Variants in SMARCC1 observed in about 807,000 individuals in gnomAD.
SMARCC1 encodes SWI/SNF complex subunit SMARCC1.
A neutral mutation model predicts 147.4 loss-of-function variants in SMARCC1; 43 were observed. The observed-to-expected ratio is 0.29, with a 90% CI of 0.23 to 0.38. The LOEUF (loss-of-function observed/expected upper bound fraction) is 0.38, where lower values mean the gene tolerates loss of function less well. Among genes scored for constraint, SMARCC1 ranks in the 10% least tolerant of loss-of-function variants. The pLI, the probability that SMARCC1 is intolerant of heterozygous loss-of-function variation, is 1.00. For synonymous variants in SMARCC1, 495 were observed against 484.4 expected, an observed-to-expected ratio of 1.02 and a Z score of -0.29; for missense variants, 1,119 against 1,381.1, an observed-to-expected ratio of 0.81 and a Z score of 3.01.
chr3:47,590,043 T>C (rs1478380842), intron 27 of SMARCC1, among the ~76,000 whole-genome samples: 1 of 152,204 alleles, frequency 6.6e-6, no homozygotes, highest in East Asian at 1.9e-4. Flanking sequence ...AGGCCAAGGC[T>C]GAAGCCGAGC....
At chr3:47,730,815 G>A (rs191177676) in intron 5 of SMARCC1, among the ~76,000 whole-genome samples, 328 of 151,382 alleles carry the variant, frequency 2.2e-3, no homozygotes, top group African/African-American at 7.7e-3. Context: ...GCAGTGAGCC[G>A]AGATTGCGCC....
chr3:47,644,058 G>A (rs1043628780), intron 21 of SMARCC1, among the ~76,000 whole-genome samples: 28 of 152,230 alleles, frequency 1.8e-4, no homozygotes, highest in African/African-American at 5.1e-4. Flanking sequence ...ATGGTGATAC[G>A]GTGGTCCTGG....
intron 6 of SMARCC1, among the ~76,000 whole-genome samples, chr3:47,722,956 G>A (rs988126509): frequency 3.9e-5 from 6 of 152,188 alleles, no homozygotes; most frequent in African/African-American, 1.4e-4. Context: ...TTTAAGGTGG[G>A]GATGACTGAA....
At chr3:47,707,959 A>C (rs1269316875) in intron 9 of SMARCC1, among the ~76,000 whole-genome samples, 1 of 152,060 alleles carries the variant, frequency 6.6e-6, no homozygotes, top group Non-Finnish European at 1.5e-5. Context: ...ATTTCCATTC[A>C]GAAGCTCCAT....
chr3:47,716,274 G>A (rs181118860), intron 7 of SMARCC1, among the ~76,000 whole-genome samples: 6 of 151,508 alleles, frequency 4.0e-5, no homozygotes, highest in East Asian at 1.9e-4. Flanking sequence ...AAAAATTAGC[G>A]GGGCGTTGTA....
chr3:47,664,418 G>A (rs949903325), intron 19 of SMARCC1, among the ~76,000 whole-genome samples: 1 of 152,036 alleles, frequency 6.6e-6, no homozygotes, highest in Non-Finnish European at 1.5e-5. Flanking sequence ...CTCCAAGTAG[G>A]CTTCTTTTTA....
chr3:47,617,019 A>G (rs1213296306), intron 25 of SMARCC1, among the ~76,000 whole-genome samples: 1 of 152,214 alleles, frequency 6.6e-6, no homozygotes, highest in Non-Finnish European at 1.5e-5. Context: ...CTCCTAGCTG[A>G]TCTATTCACT....
At chr3:47,616,210 T>C (rs1421159819) in intron 25 of SMARCC1, among the ~76,000 whole-genome samples, 2 of 152,244 alleles carry the variant, frequency 1.3e-5, no homozygotes, top group Non-Finnish European at 2.9e-5. Flanking sequence ...ACCTGCTCTG[T>C]TGACGGCTGT....
At chr3:47,648,578 G>A (rs2033149119) in intron 21 of SMARCC1, among the ~76,000 whole-genome samples, 1 of 151,668 alleles carries the variant, frequency 6.6e-6, no homozygotes, top group Non-Finnish European at 1.5e-5. Context: ...TTGTAGAGAC[G>A]AGGTCTCACT....
chr3:47,754,070 G>C (rs2034660310), intron 2 of SMARCC1, among the ~76,000 whole-genome samples: 1 of 152,142 alleles, frequency 6.6e-6, no homozygotes, highest in African/African-American at 2.4e-5. Flanking sequence ...CACCTCTAAT[G>C]ATAGGTCACT....
At chr3:47,610,016 GCC>G in intron 26 of SMARCC1, 48 bp downstream of exon 26, 1 of 1,587,956 alleles carries the variant, frequency 6.3e-7, no homozygotes, top group Non-Finnish European at 8.6e-7. Context: ...GATGCTCTGT[GCC>G]TCTGTAGTGA....
intron 2 of SMARCC1, among the ~76,000 whole-genome samples, chr3:47,751,481 C>T (rs1404947731): frequency 1.3e-5 from 2 of 151,302 alleles, no homozygotes; most frequent in Non-Finnish European, 2.9e-5. Context: ...GCGGAAGTTG[C>T]AGTGAGCTGA....
intron 5 of SMARCC1, among the ~76,000 whole-genome samples, chr3:47,729,797 G>C (rs11130148): frequency 6.6e-6 from 1 of 152,058 alleles, no homozygotes; most frequent in Non-Finnish European, 1.5e-5. Flanking sequence ...ATGTGCAAGC[G>C]TAACACAGAT....
intron 7 of SMARCC1, among the ~76,000 whole-genome samples, chr3:47,718,897 T>G (rs1183375133): frequency 6.6e-6 from 1 of 152,026 alleles, no homozygotes; most frequent in Non-Finnish European, 1.5e-5. Context: ...GCATTAATAT[T>G]AAATAATTAT....
At chr3:47,605,865 C>T (rs2032463147) in intron 26 of SMARCC1, among the ~76,000 whole-genome samples, 1 of 152,070 alleles carries the variant, frequency 6.6e-6, no homozygotes, top group African/African-American at 2.4e-5. Flanking sequence ...AACTAGTCTA[C>T]GGCGCTAGAA....
At chr3:47,730,358 T>C (rs567216114) in intron 5 of SMARCC1, among the ~76,000 whole-genome samples, 1 of 152,182 alleles carries the variant, frequency 6.6e-6, no homozygotes, top group Admixed American at 6.5e-5. Context: ...CTTTTGTGCC[T>C]GTAGTCCCAG....
intron 21 of SMARCC1, 101 bp downstream of exon 21, chr3:47,661,193 T>C (rs1222152793): frequency 2.1e-6 from 2 of 966,576 alleles, no homozygotes; most frequent in African/African-American, 1.6e-5. Context: ...ATACTGATCA[T>C]TGTACTCACT....
intron 26 of SMARCC1, among the ~76,000 whole-genome samples, chr3:47,608,330 G>A (rs1051941857): frequency 1.4e-4 from 21 of 152,006 alleles, no homozygotes; most frequent in Non-Finnish European, 2.4e-4. Context: ...CAGGTGATCC[G>A]CCCGCCTCGG....
At chr3:47,714,624 C>G in intron 7 of SMARCC1, 134 bp from the exon 8 acceptor site, 1 of 577,272 alleles carries the variant, frequency 1.7e-6, no homozygotes, top group South Asian at 2.2e-5. Flanking sequence ...GAAACTGCGT[C>G]TCTACCAAAA....
Sources: allele counts gnomAD v4.1 joint callset (sites outside exome capture counted in the v4.1 genomes callset), GRCh38; gene constraint gnomAD v4.1.1; transcripts MANE v1.5; gene names NCBI Gene and HGNC (gene_info 2026-07-23, HGNC 2026-07-21).